The following BCAT1 variants were observed in gnomAD, a reference collection of about 807,000 sequenced individuals.
BCAT1 encodes branched chain amino acid transaminase 1, also known as branched-chain-amino-acid aminotransferase, cytosolic.
BCAT1 carries 48 observed loss-of-function variants against 52.4 expected under a neutral mutation model. The ratio of observed to expected loss-of-function variants is 0.92; its 90% CI spans 0.73 to 1.16. The LOEUF (loss-of-function observed/expected upper bound fraction) is 1.16. Ranked by LOEUF, BCAT1 falls within the 50% of genes most tolerant of loss-of-function variation. The pLI is 0.00. For synonymous variants in BCAT1, 167 were observed against 161.3 expected (o/e 1.04, Z -0.27); for missense variants, 451 against 457.1 (o/e 0.99, Z 0.12).
At chr12:24,940,096 T>G (rs1011520696) in intron 1 of BCAT1, among the ~76,000 whole-genome samples, 2 of 152,204 alleles carry the variant, frequency 1.3e-5, no homozygotes, top group African/African-American at 4.8e-5. Flanking sequence ...AATGTCATTA[T>G]TTTTTACGCC....
At chr12:24,920,422 T>A (rs1943484703) in intron 1 of BCAT1, among the ~76,000 whole-genome samples, 1 of 152,192 alleles carries the variant, frequency 6.6e-6, no homozygotes, top group South Asian at 2.1e-4. Flanking sequence ...CTTGGCAAAC[T>A]GACCACTCCA....
At chr12:24,888,166 T>C (rs1261143123) in intron 3 of BCAT1, among the ~76,000 whole-genome samples, 4 of 152,110 alleles carry the variant, frequency 2.6e-5, no homozygotes, top group Admixed American at 2.6e-4. Context: ...GAAGAAACTC[T>C]TTGAAATTAA....
intron 1 of BCAT1, among the ~76,000 whole-genome samples, chr12:24,936,265 C>A (rs75141313): frequency 0.16 from 24,275 of 152,268 alleles, 2,494 homozygotes; most frequent in Non-Finnish European, 0.23. Flanking sequence ...CGAAGTCTCA[C>A]GCTGTAGCCC....
chr12:24,871,518 G>A (rs975663329), intron 5 of BCAT1, among the ~76,000 whole-genome samples: 3 of 152,116 alleles, frequency 2.0e-5, no homozygotes, highest in Non-Finnish European at 4.4e-5. Context: ...TATAAAAAGC[G>A]ATGAGATTTT....
At chr12:24,924,298 A>G (rs1407778016) in intron 1 of BCAT1, among the ~76,000 whole-genome samples, 1 of 152,254 alleles carries the variant, frequency 6.6e-6, no homozygotes, top group Non-Finnish European at 1.5e-5. Flanking sequence ...CAAGAATGAT[A>G]TAATTAGATC....
At position 24,811,023 on chromosome 12, in the gene BCAT1, T is replaced by C. The variant is rs1939661670; in HGVS notation, c.*6985A>G. On this transcript the variant is annotated 3_prime_UTR_variant, in exon 11 of 11. Coordinates refer to ENST00000261192, the MANE Select transcript of BCAT1 (RefSeq NM_005504.7). ...CAGTGATGTAGATCCATTATGACAATGAATGGGAAGAGGTAATCTACTCCC... is the reference window on the plus strand; with the variant it reads ...CAGTGATGTAGATCCATTATGACAACGAATGGGAAGAGGTAATCTACTCCC... 2 of 152,156 alleles carry C rather than the reference T, an allele frequency of 1.3e-5. No homozygotes were observed. The highest frequency in any genetic ancestry group is 4.8e-5 in the African/African-American group (2 of 41,428). The allele number at this position is 152,156 out of a possible 1,614,324, so 9.4% of individuals were successfully genotyped here. A position where few individuals can be genotyped will look rare whatever the true frequency, so the allele number is the denominator to read the frequency against.
intron 6 of BCAT1, among the ~76,000 whole-genome samples, chr12:24,844,970 T>G (rs1941299530): frequency 6.7e-6 from 1 of 150,120 alleles, no homozygotes; most frequent in Non-Finnish European, 1.5e-5. Flanking sequence ...CTCAGCACTT[T>G]GGGAGGCTGA....
intron 1 of BCAT1, among the ~76,000 whole-genome samples, chr12:24,916,519 T>TC (rs1943410643): frequency 6.6e-6 from 1 of 151,590 alleles, no homozygotes; most frequent in African/African-American, 2.4e-5. Context: ...AGCTCTTTTT[T>TC]TGTTTGTTTG....
intron 8 of BCAT1, chr12:24,833,818 C>CTTTTTTTTTT (rs778891194): frequency 6.9e-6 from 1 of 145,856 alleles, no homozygotes. Context: ...ACGTTTGTCT[C>CTTTTTTTTTT]TTTCTTTTTT....
chr12:24,859,436 T>C (rs534366718), intron 5 of BCAT1, among the ~76,000 whole-genome samples: 2 of 151,944 alleles, frequency 1.3e-5, no homozygotes, highest in East Asian at 1.9e-4. Flanking sequence ...CTGGCTAACA[T>C]GGTGAAACCC....
intron 5 of BCAT1, among the ~76,000 whole-genome samples, chr12:24,863,098 C>A (rs1378485311): frequency 6.6e-6 from 1 of 152,126 alleles, no homozygotes; most frequent in African/African-American, 2.4e-5. Flanking sequence ...AAAGGCTGAT[C>A]AACTCTTTTA....
chr12:24,814,707 G>A lies in BCAT1; in HGVS notation c.*3301C>T, dbSNP rs1031142810. 2 of 151,350 alleles carry A rather than the reference G, an allele frequency of 1.3e-5. No homozygotes were observed. Among genetic ancestry groups the A allele is most frequent in the African/African-American group, 4.9e-5 (2 of 41,160 alleles). 9.4% of individuals were successfully genotyped at this position (151,350 alleles called of 1,614,324 possible). ...AATTTTAACCCAAGGTGTAACTTAG[G>A]TTTCCCATGTCTTCAAGAGAGCTGA... On this transcript the variant is annotated 3_prime_UTR_variant, in exon 11 of 11. Transcript: ENST00000261192.
intron 1 of BCAT1, among the ~76,000 whole-genome samples, chr12:24,936,880 C>T (rs1943765604): frequency 6.6e-6 from 1 of 152,078 alleles, no homozygotes; most frequent in South Asian, 2.1e-4. Flanking sequence ...AGGATAATCT[C>T]TCCATCTCAA....
chr12:24,835,926 G>A (rs886914549), intron 8 of BCAT1, among the ~76,000 whole-genome samples: 14 of 152,054 alleles, frequency 9.2e-5, no homozygotes, highest in African/African-American at 2.4e-4. Context: ...TGTGTCACAC[G>A]AATTTGAAAG....
At chr12:24,926,147 G>C (rs1308942420) in intron 1 of BCAT1, among the ~76,000 whole-genome samples, 1 of 151,934 alleles carries the variant, frequency 6.6e-6, no homozygotes, top group Non-Finnish European at 1.5e-5. Context: ...GAAGTGAGGA[G>C]CGTCTCTGCC....
intron 8 of BCAT1, 102 bp downstream of exon 8, chr12:24,836,409 A>T: frequency 1.0e-6 from 1 of 980,498 alleles, no homozygotes; most frequent in South Asian, 1.6e-5. Flanking sequence ...ATTAGATAAC[A>T]TTGGTTGGAA....
chr12:24,828,554 T>G (rs1940505928), intron 10 of BCAT1, among the ~76,000 whole-genome samples: 4 of 152,208 alleles, frequency 2.6e-5, no homozygotes, highest in Admixed American at 2.6e-4. Context: ...TTAAAAAAAT[T>G]ATGGTACATC....
chr12:24,848,649 G>T (rs1941413665), intron 6 of BCAT1, among the ~76,000 whole-genome samples: 1 of 152,084 alleles, frequency 6.6e-6, no homozygotes, highest in Non-Finnish European at 1.5e-5. Context: ...GTATGCAGTG[G>T]TACATAGGCA....
chr12:24,830,843 T>C (rs1940633039), intron 9 of BCAT1: 2 of 152,198 alleles, frequency 1.3e-5, no homozygotes. Context: ...AGTCTATCTG[T>C]TGATGCAATT....
Sources: allele counts gnomAD v4.1 joint callset (sites outside exome capture counted in the v4.1 genomes callset), GRCh38; gene constraint gnomAD v4.1.1; transcripts MANE v1.5; gene names NCBI Gene and HGNC (gene_info 2026-07-23, HGNC 2026-07-21).